CARF: variants seen among roughly 807,000 people sequenced by gnomAD.
CARF encodes calcium-responsive transcription factor.
Under a neutral mutation model 82.0 loss-of-function variants are expected in CARF, and 57 were observed. The ratio of observed to expected loss-of-function variants is 0.70; its 90% confidence interval spans 0.56 to 0.87. The LOEUF is 0.87. CARF is among the 40% of genes least tolerant of loss of function. CARF has a pLI of 0.00. For synonymous variants in CARF, 268 were observed against 290.1 expected (o/e 0.92, Z 0.77); for missense variants, 771 against 855.8 (o/e 0.90, Z 1.24).
chr2:202,959,379 A>G (rs1016688555), intron 8 of CARF, among the ~76,000 whole-genome samples: 2 of 152,140 alleles, frequency 1.3e-5, no homozygotes, highest in Non-Finnish European at 2.9e-5. Flanking sequence ...ATACCTTTCT[A>G]TTTGTTAAAT....
rs774903348 is a variant in CARF at position 202,964,900 on chromosome 2, T to TATAC, written c.833-2077_833-2076insTACA. ...ATATATGTGTATATATATATATATA[T>TATAC]ACACACACACACATACATATATGAG... On this transcript the variant is annotated intron_variant, in intron 9 of 16. Coordinates refer to ENST00000438828, the MANE Select transcript of CARF (RefSeq NM_024744.17). Among the ~76,000 whole-genome samples the TATAC allele has an allele frequency of 7.6e-3, 1,111 of 146,054 alleles. 13 individuals carry two copies. The highest frequency in any genetic ancestry group is 0.026 in the Admixed American group (385 of 14,668).
intron 14 of CARF, among the ~76,000 whole-genome samples, chr2:202,980,654 A>ATATATATATATG (rs2060221315): frequency 9.1e-6 from 1 of 109,836 alleles, no homozygotes; most frequent in Non-Finnish European, 2.0e-5. Flanking sequence ...ATATATATAT[A>ATATATATATATG]TATATATAGT....
intron 13 of CARF, among the ~76,000 whole-genome samples, chr2:202,975,832 A>G (rs1181577799): frequency 1.3e-5 from 2 of 151,858 alleles, no homozygotes; most frequent in Admixed American, 6.6e-5. Flanking sequence ...ATCACCTGAG[A>G]TCAGGAGTTC....
At position 202,971,743 on chromosome 2, in the gene CARF, A is replaced by G. The variant is rs918615465; in HGVS notation, c.1331+5A>G. On this transcript the variant is annotated splice_donor_5th_base_variant and intron_variant, in intron 12 of 16. Coordinates refer to ENST00000438828, the MANE Select transcript of CARF (RefSeq NM_024744.17). ...TGCAGTAAGGAAACAGCTAAGGTAC[A>G]ATAGAAGAGCATTGTTCTTTTACAT... 1 of 1,585,972 alleles carries G rather than the reference A, an allele frequency of 6.3e-7. No homozygotes were observed. The highest frequency in any genetic ancestry group is 8.7e-7 in the Non-Finnish European group (1 of 1,155,138).
chr2:202,954,610 G>C (rs1314539267), intron 7 of CARF, among the ~76,000 whole-genome samples: 2 of 151,822 alleles, frequency 1.3e-5, no homozygotes, highest in Non-Finnish European at 2.9e-5. Context: ...CTACTTGGGA[G>C]GCTGAGGCAG....
Position 202,970,082 on chromosome 2 carries a change from CT to C in CARF, c.1097+24del. 6.5e-7 allele frequency: 1 copy of C among 1,534,956 alleles called. No homozygotes were observed. The highest frequency in any genetic ancestry group is 8.7e-7 in the Non-Finnish European group (1 of 1,151,744). ...TCTTAGGTATGACATTTTTATAGTT[CT>C]TTTATTTTACAAATTAATTAGCTCA... is the stretch of plus-strand genomic sequence containing the variant. On this transcript the variant is annotated intron_variant, in intron 11 of 16. Transcript: ENST00000438828.
intron 3 of CARF, among the ~76,000 whole-genome samples, chr2:202,929,674 T>A (rs750884613): frequency 6.6e-6 from 1 of 152,236 alleles, no homozygotes; most frequent in Non-Finnish European, 1.5e-5. Flanking sequence ...CAAGGTCTTT[T>A]GTGGTTCCAT....
intron 3 of CARF, among the ~76,000 whole-genome samples, chr2:202,939,196 A>G (rs2058095341): frequency 6.6e-6 from 1 of 152,164 alleles, no homozygotes; most frequent in South Asian, 2.1e-4. Context: ...GTTTTGAAAA[A>G]TTGCCAGCCA....
chr2:202,950,640 AT>A (rs1179787257), intron 5 of CARF, among the ~76,000 whole-genome samples: 1 of 152,184 alleles, frequency 6.6e-6, no homozygotes, highest in Non-Finnish European at 1.5e-5. Flanking sequence ...TTGAGTTTCA[AT>A]TATAGCCTAC....
At chr2:202,918,576 G>A (rs942444654) in intron 2 of CARF, among the ~76,000 whole-genome samples, 6 of 152,036 alleles carry the variant, frequency 3.9e-5, no homozygotes, top group African/African-American at 1.2e-4. Context: ...TTACTTTGAC[G>A]GAGTTAATTG....
intron 2 of CARF, among the ~76,000 whole-genome samples, chr2:202,918,841 C>A (rs1472058208): frequency 6.6e-6 from 1 of 152,172 alleles, no homozygotes; most frequent in Non-Finnish European, 1.5e-5. Flanking sequence ...ACCAACTTTT[C>A]CGTATAGAAA....
chr2:202,982,570 A>G (rs1422838081), intron 16 of CARF, 129 bp downstream of exon 16: 10 of 953,978 alleles, frequency 1.0e-5, no homozygotes, highest in Non-Finnish European at 1.5e-5. Context: ...AAGCAAAATT[A>G]TGAGAGAGAA....
At chr2:202,935,186 T>A (rs1693713641) in intron 3 of CARF, among the ~76,000 whole-genome samples, 1 of 142,114 alleles carries the variant, frequency 7.0e-6, no homozygotes, top group Admixed American at 7.4e-5. Context: ...AAATATAAAT[T>A]TTATAAATAT....
At chr2:202,924,261 A>AT (rs949173153) in intron 2 of CARF, 36 bp from the exon 3 acceptor site, 5 of 152,062 alleles carry the variant, frequency 3.3e-5, no homozygotes, top group South Asian at 4.1e-4. Context: ...TAATTCATAG[A>AT]TTTTTTTCTT....
chr2:202,923,621 CA>C (rs958110564), intron 2 of CARF, among the ~76,000 whole-genome samples: 5 of 152,102 alleles, frequency 3.3e-5, no homozygotes, highest in African/African-American at 1.2e-4. Flanking sequence ...TTAGAAAAAA[CA>C]ATCCTAAAAT....
At position 202,983,690 on chromosome 2, in the gene CARF, A is replaced by C; in HGVS notation, c.*66A>C. The C allele has an allele frequency of 1.0e-6, 1 of 978,610 alleles. No homozygotes were observed. Among genetic ancestry groups the C allele is most frequent in the Non-Finnish European group, 1.6e-6 (1 of 622,530 alleles). The allele number at this position is 978,610 out of a possible 1,614,324, so 60.6% of individuals were successfully genotyped here. ...TGATGTCTTAGAAAGGAAGGTGAAT[A>C]TAGTCAAAGCGTGGCATTGAGATAA... On this transcript the variant is annotated 3_prime_UTR_variant, in exon 17 of 17. Coordinates refer to ENST00000438828, the MANE Select transcript of CARF (RefSeq NM_024744.17).
At chr2:202,955,815 T>C in intron 8 of CARF, 57 bp downstream of exon 8, 1 of 1,322,696 alleles carries the variant, frequency 7.6e-7, no homozygotes, top group South Asian at 1.3e-5. Flanking sequence ...CCACAGGTCA[T>C]CCCCAAATGC....
chr2:202,954,291 A>C (rs1468536647), intron 7 of CARF, among the ~76,000 whole-genome samples, 157 bp downstream of exon 7: 1 of 152,220 alleles, frequency 6.6e-6, no homozygotes, highest in Non-Finnish European at 1.5e-5. Context: ...TCTTGGTCAT[A>C]AGGCGGCTAT....
intron 2 of CARF, among the ~76,000 whole-genome samples, chr2:202,922,515 C>CA (rs1691023575): frequency 6.6e-6 from 1 of 152,116 alleles, no homozygotes; most frequent in African/African-American, 2.4e-5. Flanking sequence ...AAATAAAGAG[C>CA]ATTTAGGCCA....
Sources: gnomAD v4.1 joint callset for allele counts (sites outside exome capture counted in the v4.1 genomes callset) on GRCh38, gnomAD v4.1.1 for gene constraint, MANE v1.5 for transcripts, NCBI Gene and HGNC (gene_info 2026-07-23, HGNC 2026-07-21) for gene names.